Variants in CFAP70 observed in about 807,000 individuals in gnomAD.
CFAP70 encodes the protein cilia- and flagella-associated protein 70.
Under a neutral mutation model 137.6 loss-of-function variants are expected in CFAP70, and 81 were observed. That is an observed-to-expected ratio of 0.59 (90% CI 0.49 to 0.71). CFAP70 has a LOEUF of 0.71. Ranked by LOEUF, CFAP70 falls within the 30% of genes least tolerant of loss-of-function variation. The pLI is 0.00. For synonymous variants in CFAP70, 382 were observed against 423.6 expected, an observed-to-expected ratio of 0.90 and a Z score of 1.20; for missense variants, 976 against 1,226.7, an observed-to-expected ratio of 0.80 and a Z score of 3.05.
exon 6 of CFAP70, chr10:73,341,467 T>C: frequency 6.2e-7 from 1 of 1,614,204 alleles, no homozygotes; most frequent in Non-Finnish European, 8.5e-7. Flanking sequence ...TCAGGAATGT[T>C]ATTAGCTCCT....
chr10:73,268,243 G>T (rs1381123471), intron 25 of CFAP70, among the ~76,000 whole-genome samples: 3 of 152,144 alleles, frequency 2.0e-5, no homozygotes, highest in Admixed American at 6.5e-5. Flanking sequence ...TTTCTTCATT[G>T]ACTTATTAAT....
intron 25 of CFAP70, among the ~76,000 whole-genome samples, chr10:73,261,706 C>T (rs535893225): frequency 1.3e-5 from 2 of 152,058 alleles, no homozygotes; most frequent in South Asian, 2.1e-4. Flanking sequence ...GGGGTTTCAC[C>T]ATGCTGTCCG....
exon 24 of CFAP70, chr10:73,272,975 A>T: frequency 1.3e-6 from 2 of 1,553,012 alleles, no homozygotes; most frequent in Non-Finnish European, 1.7e-6. Context: ...CATGAAGGTG[A>T]TCTCTTACAG....
At chr10:73,355,113 C>G (rs765679439) in intron 1 of CFAP70, among the ~76,000 whole-genome samples, 1 of 152,156 alleles carries the variant, frequency 6.6e-6, no homozygotes, top group Non-Finnish European at 1.5e-5. Context: ...CCTCCCATAC[C>G]CTACATCAGG....
At chr10:73,274,885 C>T (rs1262483198) in intron 22 of CFAP70, 2 of 291,882 alleles carry the variant, frequency 6.9e-6, no homozygotes, top group Non-Finnish European at 1.2e-5. Flanking sequence ...ATACTGTTCA[C>T]ATGAGAAAAT....
chr10:73,283,099 C>T (rs1307011482), intron 19 of CFAP70, among the ~76,000 whole-genome samples: 1 of 152,150 alleles, frequency 6.6e-6, no homozygotes, highest in Non-Finnish European at 1.5e-5. Context: ...TCCCAAAGTG[C>T]TGGGATTACA....
In CFAP70 at chr10:73,291,628, G is replaced by C. The variant is rs375610323; in HGVS notation, c.2020+12C>G. ...GGGAGAAAACACATTCAGATTACAA[G>C]AAAATATCTACCAAGTAAAGTCCAG... On this transcript the variant is annotated intron_variant, in intron 18 of 26. Transcript: ENST00000310715. 5.0e-6 allele frequency: 8 copies of C among 1,605,490 alleles called. No individual in the cohort carries two copies. In the Admixed American group the frequency reaches 1.2e-4, roughly 24 times the overall value.
At chr10:73,308,787 AAAG>A (rs1478410036) in intron 12 of CFAP70, among the ~76,000 whole-genome samples, 1 of 150,478 alleles carries the variant, frequency 6.6e-6, no homozygotes, top group African/African-American at 2.5e-5. Flanking sequence ...CCAATGGTTC[AAAG>A]AAGAAATCAC....
chr10:73,341,679 T>C (rs2053265562), intron 5 of CFAP70, 98 bp from the exon 7 acceptor site: 2 of 1,016,256 alleles, frequency 2.0e-6, no homozygotes, highest in Non-Finnish European at 3.0e-6. Flanking sequence ...TGCTGAGTGT[T>C]ATCAAACATA....
At chr10:73,304,402 A>T (rs2049207402) in intron 12 of CFAP70, among the ~76,000 whole-genome samples, 1 of 152,190 alleles carries the variant, frequency 6.6e-6, no homozygotes, top group African/African-American at 2.4e-5. Flanking sequence ...GACTAAATGC[A>T]AAGTTTTTAA....
chr10:73,260,427 G>A (rs2045040742), intron 25 of CFAP70, among the ~76,000 whole-genome samples: 1 of 152,126 alleles, frequency 6.6e-6, no homozygotes, highest in Non-Finnish European at 1.5e-5. Flanking sequence ...ATAGTAGCCA[G>A]TTGTCCCATC....
At chr10:73,333,573 C>G (rs2052339534) in intron 7 of CFAP70, among the ~76,000 whole-genome samples, 1 of 151,990 alleles carries the variant, frequency 6.6e-6, no homozygotes, top group Non-Finnish European at 1.5e-5. Context: ...CTTCAGAAAC[C>G]ATGCAAGCAA....
intron 19 of CFAP70, among the ~76,000 whole-genome samples, chr10:73,282,893 C>A (rs2047373869): frequency 1.4e-5 from 2 of 143,050 alleles, no homozygotes; most frequent in African/African-American, 5.2e-5. Context: ...AGTGCAGTGG[C>A]CCAATCTCAG....
intron 25 of CFAP70, among the ~76,000 whole-genome samples, chr10:73,258,702 C>T (rs946570282): frequency 5.3e-5 from 8 of 152,198 alleles, no homozygotes; most frequent in African/African-American, 1.9e-4. Context: ...CAGCAAGGAA[C>T]AGCCCTGAGA....
chr10:73,336,462 G>A (rs2132356012), intron 6 of CFAP70, among the ~76,000 whole-genome samples: 1 of 151,718 alleles, frequency 6.6e-6, no homozygotes, highest in South Asian at 2.1e-4. Context: ...TAAATATTTA[G>A]TCAGACAATG....
At chr10:73,344,049 G>T (rs1309402128) in intron 5 of CFAP70, among the ~76,000 whole-genome samples, 1 of 150,834 alleles carries the variant, frequency 6.6e-6, no homozygotes, top group Non-Finnish European at 1.5e-5. Flanking sequence ...TGCAACCTCT[G>T]CCTCCCAGGT....
chr10:73,285,410 T>C (rs79663200), intron 19 of CFAP70, among the ~76,000 whole-genome samples: 382 of 152,216 alleles, frequency 2.5e-3, no homozygotes, highest in African/African-American at 8.6e-3. Context: ...TCAAAAAACC[T>C]TTGAAGGACA....
chr10:73,343,209 C>CAAA lies in CFAP70; in HGVS notation c.400-1631_400-1629dup, dbSNP rs60755900. Among the ~76,000 whole-genome samples, 19 of 72,656 alleles carry CAAA rather than the reference C, an allele frequency of 2.6e-4. No individual in the cohort carries two copies. The South Asian group carries it at 4.6e-3, about 18-fold the overall frequency. The allele number at this position is 72,656 out of a possible 152,430, so 47.7% of individuals were successfully genotyped here. On this transcript the variant is annotated intron_variant, in intron 5 of 26. Coordinates refer to ENST00000310715, the Ensembl canonical transcript of CFAP70. ...TGGGTGACAGAGCGAGATTCCGTCT[C>CAAA]AAAAAAAAAAAAAAAAAGAGAAAGA...
At chr10:73,318,828 T>G (rs2050610706) in intron 9 of CFAP70, among the ~76,000 whole-genome samples, 1 of 152,252 alleles carries the variant, frequency 6.6e-6, no homozygotes, top group South Asian at 2.1e-4. Flanking sequence ...TTGAAATAGT[T>G]TCCTAGAAGT....
Sources: allele counts gnomAD v4.1 joint callset (sites outside exome capture counted in the v4.1 genomes callset), GRCh38; gene constraint gnomAD v4.1.1; transcripts MANE v1.5; gene names NCBI Gene and HGNC (gene_info 2026-07-23, HGNC 2026-07-21).